The following PRKAG3 variants were observed in gnomAD, a reference collection of about 807,000 sequenced individuals.
PRKAG3 encodes 5'-AMP-activated protein kinase subunit gamma-3.
PRKAG3 carries 39 observed loss-of-function variants against 56.5 expected under a neutral mutation model. The ratio of observed to expected loss-of-function variants is 0.69; its 90% CI spans 0.53 to 0.90. The LOEUF (loss-of-function observed/expected upper bound fraction) is 0.90. PRKAG3 is among the 40% of genes least tolerant of loss of function. The pLI is 0.00. For missense variants in PRKAG3, 628 were observed against 627.5 expected (o/e 1.00, Z -0.01); for synonymous variants, 243 against 250.1 (o/e 0.97, Z 0.27).
chr2:218,823,125 G>A (rs150852890), downstream of PRKAG3: 12 of 894,590 alleles, frequency 1.3e-5, no homozygotes, highest in Admixed American at 4.6e-4. Context: ...GAGGGACAGC[G>A]GCCTTTCCAA....
exon 1 of PRKAG3, chr2:218,831,778 G>A (rs368183537): frequency 2.5e-6 from 4 of 1,609,354 alleles, no homozygotes; most frequent in Admixed American, 3.4e-5. Flanking sequence ...CATGTGGCCA[G>A]CCCCAGACCA....
intron 12 of PRKAG3, 101 bp from the exon 13 acceptor site, chr2:218,823,979 G>T: frequency 7.7e-7 from 1 of 1,293,228 alleles, no homozygotes; most frequent in Non-Finnish European, 1.1e-6. Context: ...ACATGACTGA[G>T]GGAGAGAGCG....
At chr2:218,824,793 A>G (rs1320651071) in intron 10 of PRKAG3, among the ~76,000 whole-genome samples, 4 of 152,180 alleles carry the variant, frequency 2.6e-5, no homozygotes, top group Admixed American at 2.0e-4. Context: ...AAAATAGTCT[A>G]GCCTCGAATT....
At chr2:218,831,481 TCAGA>T (rs1944019044) in intron 1 of PRKAG3, 106 bp from the exon 2 acceptor site, 1 of 1,109,590 alleles carries the variant, frequency 9.0e-7, no homozygotes, top group South Asian at 1.5e-5. Flanking sequence ...ATACACACGC[TCAGA>T]CACACGCCAT....
intron 12 of PRKAG3, 26 bp from the exon 13 acceptor site, chr2:218,823,904 G>T: frequency 6.2e-7 from 1 of 1,604,014 alleles, no homozygotes. Context: ...GTTCAGTGAG[G>T]GGGCAGAGCC....
At chr2:218,823,977 GAGGGAGAGAGCGTCTCCT>G in intron 12 of PRKAG3, 99 bp from the exon 13 acceptor site, 4 of 1,304,980 alleles carry the variant, frequency 3.1e-6, no homozygotes, top group Non-Finnish European at 4.4e-6. Context: ...CAACATGACT[GAGGGAGAGAGCGTCTCCT>G]AGAAACCAGT....
chr2:218,827,482 G>A lies in PRKAG3; in HGVS notation c.875+93C>T, dbSNP rs939452993. On this transcript the variant is annotated intron_variant, in intron 8 of 12. Transcript: ENST00000529249. The surrounding 1 kb of genome is among the most constrained non-coding windows in gnomAD (Gnocchi z 5.3). ...ACCAAGGCTCCCTTGTCTGTGTGCC[G>A]CCTAGGATGAAGAGGTGAGTTCAGA... 2.5e-5 allele frequency: 40 copies of A among 1,598,142 alleles called. No individual in the cohort carries two copies. The highest frequency in any genetic ancestry group is 2.9e-5 in the Non-Finnish European group (34 of 1,166,018).
chr2:218,826,559 T>G (rs1943935066), intron 10 of PRKAG3: 1 of 330,294 alleles, frequency 3.0e-6, no homozygotes. Flanking sequence ...CTTCTCGCTC[T>G]GGCCTCTCTC....
chr2:218,824,125 G>A, intron 12 of PRKAG3, 97 bp downstream of exon 12: 2 of 1,585,570 alleles, frequency 1.3e-6, no homozygotes, highest in East Asian at 2.3e-5. Flanking sequence ...GAAATGGAAG[G>A]ATAGGCCAGG....
At chr2:218,828,654 C>T (rs1011676828) in intron 4 of PRKAG3, 54 bp from the exon 5 acceptor site, 12 of 1,482,112 alleles carry the variant, frequency 8.1e-6, no homozygotes, top group East Asian at 2.4e-5. Flanking sequence ...CCTCACCCCC[C>T]TCTCTGCCCC....
Position 218,829,962 on chromosome 2 carries a change from A to C in PRKAG3, c.633+16T>G. On this transcript the variant is annotated intron_variant, in intron 4 of 12. Transcript: ENST00000529249. ...GATGGAGAGTGAGTACAGGTTGGGC[A>C]GAGCCGTGGCCTCACCTCCAGCATG... 6.2e-7 allele frequency: 1 copy of C among 1,610,804 alleles called. No homozygotes were observed. The highest frequency in any genetic ancestry group is 1.1e-5 in the South Asian group (1 of 91,020).
exon 5 of PRKAG3, chr2:218,828,527 C>T (rs1943971430): frequency 1.9e-6 from 3 of 1,613,404 alleles, no homozygotes; most frequent in East Asian, 2.2e-5. Flanking sequence ...ACCCACAAAG[C>T]TCTGCTTCTT....
At chr2:218,823,831 C>T in exon 13 of PRKAG3, 3 of 1,614,140 alleles carry the variant, frequency 1.9e-6, no homozygotes, top group South Asian at 2.2e-5. Flanking sequence ...AGAGGGAGAC[C>T]ACGCCCAAGA....
chr2:218,823,712 C>T, exon 13 of PRKAG3: 1 of 1,612,264 alleles, frequency 6.2e-7, no homozygotes, highest in Non-Finnish European at 8.5e-7. Flanking sequence ...CAGTTCCCTT[C>T]ATTGGCTTCC....
chr2:218,831,362 C>T, exon 2 of PRKAG3: 2 of 1,603,464 alleles, frequency 1.2e-6, no homozygotes, highest in Non-Finnish European at 1.7e-6. Flanking sequence ...CCCAAGGCTG[C>T]TCCAGGAAGG....
intron 2 of PRKAG3, 152 bp from the exon 3 acceptor site, chr2:218,831,053 G>T: frequency 9.4e-7 from 1 of 1,059,800 alleles, no homozygotes; most frequent in Non-Finnish European, 1.4e-6. Flanking sequence ...TTATAAAGCA[G>T]GCATTATTAT....
chr2:218,826,960 C>T (rs758203627), exon 10 of PRKAG3: 18 of 1,614,060 alleles, frequency 1.1e-5, no homozygotes, highest in African/African-American at 6.7e-5. Flanking sequence ...TGCAGACACA[C>T]GCCGGTCCAC....
rs1944001146 is a variant in PRKAG3 at position 218,830,308 on chromosome 2, T to C, written c.303A>G (p.Gln101=). ...GAGTGCCCACCCCGGCAGGATCAGC[T>C]TGAGCCAAGGGTGTGGTCTTGGGGA... is the stretch of plus-strand genomic sequence containing the variant. Residue 101 remains glutamine, a synonymous_variant, in exon 4 of 13, where the codon CAA becomes CAG. Coordinates refer to ENST00000529249, the Ensembl canonical transcript of PRKAG3. The C allele has an allele frequency of 2.5e-6, 4 of 1,613,010 alleles. No individual in the cohort carries two copies. In the South Asian group the frequency reaches 4.4e-5, roughly 18 times the overall value.
rs1254014812 is a variant in PRKAG3 at position 218,824,205 on chromosome 2, TGGAGG to T, written c.1353+12_1353+16del. On this transcript the variant is annotated intron_variant, in intron 12 of 12. Transcript: ENST00000529249. Reference sequence around the variant, plus strand: ...GGGCTATATGTGTTGGGGGCATGAATGGAGGGCACACGGTACCTGCTCCCGAGCAA... The same window carrying T: ...GGGCTATATGTGTTGGGGGCATGAATGCACACGGTACCTGCTCCCGAGCAA... 1 of 1,614,020 alleles carries T rather than the reference TGGAGG, an allele frequency of 6.2e-7. No homozygotes were observed. The highest frequency in any genetic ancestry group is 1.1e-5 in the South Asian group (1 of 91,080).
Sources: allele counts gnomAD v4.1 joint callset (sites outside exome capture counted in the v4.1 genomes callset), GRCh38; gene constraint gnomAD v4.1.1; non-coding constraint Gnocchi (gnomAD v3.1); transcripts MANE v1.5; gene names NCBI Gene and HGNC (gene_info 2026-07-23, HGNC 2026-07-21).